The following SYT1 variants were observed in gnomAD, a reference collection of about 807,000 sequenced individuals.
SYT1 encodes synaptotagmin 1, also known as synaptotagmin-1.
Under a neutral mutation model 44.8 loss-of-function variants are expected in SYT1, and 8 were observed. The observed-to-expected ratio is 0.18, with a 90% confidence interval of 0.10 to 0.32. The LOEUF (loss-of-function observed/expected upper bound fraction) is 0.32. Ranked by LOEUF, SYT1 falls within the 10% of genes least tolerant of loss-of-function variation. The pLI, the probability that SYT1 is intolerant of heterozygous loss-of-function variation, is 1.00. For synonymous variants in SYT1, 154 were observed against 188.8 expected, an observed-to-expected ratio of 0.82 and a Z score of 1.51; for missense variants, 286 against 509.3, an observed-to-expected ratio of 0.56 and a Z score of 4.22.
intron 4 of SYT1, among the ~76,000 whole-genome samples, chr12:79,270,752 TGAAGAGAA>T (rs1878378295): frequency 1.3e-5 from 2 of 152,164 alleles, no homozygotes; most frequent in Non-Finnish European, 2.9e-5. Flanking sequence ...GGAATGAGGA[TGAAGAGAA>T]TCAGTGCTAA....
chr12:79,004,658 G>C (rs1216626304), intron 2 of SYT1, among the ~76,000 whole-genome samples: 1 of 151,896 alleles, frequency 6.6e-6, no homozygotes, highest in Non-Finnish European at 1.5e-5. Flanking sequence ...ATGCAATTTT[G>C]ATACAGATGT....
At chr12:79,378,203 A>T (rs1390131889) in intron 9 of SYT1, among the ~76,000 whole-genome samples, 1 of 152,248 alleles carries the variant, frequency 6.6e-6, no homozygotes, top group Non-Finnish European at 1.5e-5. Context: ...TAACTGGAAG[A>T]AGCTCAAGTC....
At chr12:79,159,384 G>GT (rs1870806272) in intron 3 of SYT1, among the ~76,000 whole-genome samples, 1 of 152,176 alleles carries the variant, frequency 6.6e-6, no homozygotes, top group African/African-American at 2.4e-5. Flanking sequence ...GGAAGGTTGA[G>GT]TAGTCCCCCC....
At chr12:79,422,290 T>C (rs779995910) in intron 9 of SYT1, among the ~76,000 whole-genome samples, 18 of 152,180 alleles carry the variant, frequency 1.2e-4, no homozygotes, top group Admixed American at 1.1e-3. Flanking sequence ...TTGGACTATG[T>C]TTTCTTTAAA....
At chr12:79,108,365 CTTA>C (rs774036207) in intron 3 of SYT1, among the ~76,000 whole-genome samples, 1 of 151,710 alleles carries the variant, frequency 6.6e-6, no homozygotes, top group Non-Finnish European at 1.5e-5. Flanking sequence ...ATATGTATCA[CTTA>C]TAATAAAAGT....
intron 4 of SYT1, among the ~76,000 whole-genome samples, chr12:79,268,317 A>T (rs976635832): frequency 2.6e-5 from 4 of 152,358 alleles, no homozygotes; most frequent in Admixed American, 1.3e-4. Flanking sequence ...TATTCATTTG[A>T]CATGTAAAAT....
At chr12:78,972,993 G>A (rs989866721) in intron 1 of SYT1, among the ~76,000 whole-genome samples, 2 of 152,014 alleles carry the variant, frequency 1.3e-5, no homozygotes, top group African/African-American at 4.8e-5. Flanking sequence ...ATGTTAGTTA[G>A]GACAAACGTA....
At chr12:79,058,431 T>G (rs1875126591) in intron 3 of SYT1, among the ~76,000 whole-genome samples, 1 of 152,086 alleles carries the variant, frequency 6.6e-6, no homozygotes, top group African/African-American at 2.4e-5. Flanking sequence ...GCCTTCTCTC[T>G]CTTTGTCACC....
At position 79,347,101 on chromosome 12, in the gene SYT1, G is replaced by A. The variant is rs575260945; in HGVS notation, c.811-6401G>A. Among the ~76,000 whole-genome samples the A allele has an allele frequency of 7.8e-4, 117 of 150,706 alleles. 1 individual carries two copies. The South Asian group carries it at 0.023, about 30-fold the overall frequency. Reference sequence around the variant, plus strand: ...TAATGGTTAGGAGTAATTTGATTAGGCAGAAGGGAATAAAGGATTGCAGAT... The same window carrying A: ...TAATGGTTAGGAGTAATTTGATTAGACAGAAGGGAATAAAGGATTGCAGAT... On this transcript the variant is annotated intron_variant, in intron 8 of 10. Transcript: ENST00000261205.
intron 1 of SYT1, among the ~76,000 whole-genome samples, chr12:78,968,234 G>A (rs746794601): frequency 2.0e-4 from 31 of 152,180 alleles, no homozygotes; most frequent in South Asian, 6.2e-4. Flanking sequence ...GAAAAATGTA[G>A]CAAGAATTCT....
Position 79,281,077 on chromosome 12 carries a change from T to G in SYT1, c.167-4710T>G, listed in dbSNP as rs1040562643. Among the ~76,000 whole-genome samples the G allele has an allele frequency of 3.9e-5, 6 of 152,112 alleles. No homozygotes were observed. The East Asian group carries it at 1.2e-3, about 29-fold the overall frequency. On this transcript the variant is annotated intron_variant, in intron 4 of 10. Transcript: ENST00000261205. ...ATTAGGTAAATTAGTACAACTTCTA[T>G]GCAGAACAGTATGGAGAGTTCTCAA...
chr12:79,325,155 G>T (rs933795941), intron 8 of SYT1, among the ~76,000 whole-genome samples: 1 of 152,158 alleles, frequency 6.6e-6, no homozygotes, highest in Non-Finnish European at 1.5e-5. Flanking sequence ...AAAGCATGGG[G>T]GTTGCAGGGG....
intron 3 of SYT1, among the ~76,000 whole-genome samples, chr12:79,146,983 G>A (rs1869957088): frequency 6.6e-6 from 1 of 152,038 alleles, no homozygotes; most frequent in African/African-American, 2.4e-5. Context: ...TGGGATTACA[G>A]GCGCCCACCA....
intron 1 of SYT1, among the ~76,000 whole-genome samples, chr12:78,937,888 A>T (rs1181587370): frequency 6.6e-6 from 1 of 152,054 alleles, no homozygotes; most frequent in East Asian, 1.9e-4. Flanking sequence ...TGCTTTTGGG[A>T]TGCTGCTTAG....
At chr12:79,380,440 G>A (rs1884170093) in intron 9 of SYT1, among the ~76,000 whole-genome samples, 1 of 152,196 alleles carries the variant, frequency 6.6e-6, no homozygotes, top group Non-Finnish European at 1.5e-5. Context: ...CACCCAGGCT[G>A]CTGCATCCTA....
At chr12:79,273,075 C>A (rs889328346) in intron 4 of SYT1, among the ~76,000 whole-genome samples, 1 of 151,518 alleles carries the variant, frequency 6.6e-6, no homozygotes, top group Non-Finnish European at 1.5e-5. Flanking sequence ...TAGTGTGCCT[C>A]AGCCACTTGG....
chr12:79,313,898 G>A (rs1042233571), intron 8 of SYT1, among the ~76,000 whole-genome samples: 6 of 148,904 alleles, frequency 4.0e-5, no homozygotes, highest in East Asian at 1.9e-4. Context: ...GGCCGGGCGC[G>A]GTGGCTCACG....
chr12:79,074,065 A>C (rs1159243101), intron 3 of SYT1, among the ~76,000 whole-genome samples: 3 of 152,212 alleles, frequency 2.0e-5, no homozygotes, highest in African/African-American at 7.2e-5. Flanking sequence ...TTAGATATTC[A>C]CACATTTTGC....
chr12:78,913,703 G>A (rs1876478144), intron 1 of SYT1, among the ~76,000 whole-genome samples: 1 of 151,724 alleles, frequency 6.6e-6, no homozygotes, highest in Non-Finnish European at 1.5e-5. Flanking sequence ...ATTTGATCTT[G>A]TAAAATATGT....
Sources: allele counts gnomAD v4.1 joint callset (sites outside exome capture counted in the v4.1 genomes callset), GRCh38; gene constraint gnomAD v4.1.1; transcripts MANE v1.5; gene names NCBI Gene and HGNC (gene_info 2026-07-23, HGNC 2026-07-21).